STXBP5: variants seen among roughly 807,000 people sequenced by gnomAD.
STXBP5 encodes the protein syntaxin binding protein 5.
In STXBP5, 50 loss-of-function variants were observed where a neutral mutation model predicts 152.4. The ratio of observed to expected loss-of-function variants is 0.33; its 90% CI spans 0.26 to 0.42. The LOEUF is 0.42. STXBP5 is among the 10% of genes least tolerant of loss of function. STXBP5 has a pLI of 1.00. For synonymous variants in STXBP5, 492 were observed against 494.7 expected, an observed-to-expected ratio of 0.99 and a Z score of 0.07; for missense variants, 1,167 against 1,388.6, an observed-to-expected ratio of 0.84 and a Z score of 2.54.
intron 21 of STXBP5, among the ~76,000 whole-genome samples, chr6:147,351,363 AAG>A (rs1370353935): frequency 6.6e-6 from 1 of 152,184 alleles, no homozygotes; most frequent in Non-Finnish European, 1.5e-5. Flanking sequence ...TTTTATCTAA[AAG>A]AGTTACCTTT....
intron 7 of STXBP5, among the ~76,000 whole-genome samples, chr6:147,269,870 G>A (rs886643071): frequency 4.6e-5 from 7 of 152,062 alleles, no homozygotes; most frequent in African/African-American, 1.4e-4. Flanking sequence ...TTGAATCCTC[G>A]GAGGAGAGTG....
chr6:147,221,670 A>G (rs1777468202), intron 2 of STXBP5, among the ~76,000 whole-genome samples: 1 of 151,094 alleles, frequency 6.6e-6, no homozygotes, highest in Admixed American at 6.6e-5. Flanking sequence ...TTTTTTTCCA[A>G]TGGCTTCTTT....
chr6:147,292,182 T>C (rs1781311698), intron 9 of STXBP5: 3 of 432,224 alleles, frequency 6.9e-6, no homozygotes, highest in Non-Finnish European at 1.4e-5. Context: ...ATTCAACTCA[T>C]TTGAGTAAAG....
intron 4 of STXBP5, among the ~76,000 whole-genome samples, chr6:147,258,794 A>T (rs749700539): frequency 2.8e-4 from 42 of 152,038 alleles, no homozygotes; most frequent in Middle Eastern, 3.2e-3. Context: ...ATATATTTTT[A>T]AATGTATTAT....
chr6:147,382,603 A>G (rs1391316292), intron 26 of STXBP5, among the ~76,000 whole-genome samples, 175 bp from the exon 27 acceptor site: 1 of 152,124 alleles, frequency 6.6e-6, no homozygotes, highest in African/African-American at 2.4e-5. Flanking sequence ...AAGTATCTAA[A>G]AATTATTAAA....
chr6:147,360,659 G>A (rs991073541), intron 23 of STXBP5, among the ~76,000 whole-genome samples: 1 of 152,140 alleles, frequency 6.6e-6, no homozygotes, highest in Non-Finnish European at 1.5e-5. Context: ...CTCCAAGTGT[G>A]AAACCTGAGA....
At chr6:147,211,489 A>G (rs1192628731) in intron 2 of STXBP5, among the ~76,000 whole-genome samples, 1 of 152,166 alleles carries the variant, frequency 6.6e-6, no homozygotes, top group African/African-American at 2.4e-5. Context: ...ACTTAATTTT[A>G]TTATATAAAA....
Position 147,369,979 on chromosome 6 carries a change from A to G in STXBP5, c.3082-3752A>G, listed in dbSNP as rs559198433. On this transcript the variant is annotated intron_variant, in intron 25 of 27. Coordinates refer to ENST00000321680, the MANE Select transcript of STXBP5 (RefSeq NM_001127715.4). Reference sequence around the variant, plus strand: ...TGTATTCATAGCCGCTTTATTTGTAATAGCCAAAAACTGGAAACCACCCAG... The same window carrying G: ...TGTATTCATAGCCGCTTTATTTGTAGTAGCCAAAAACTGGAAACCACCCAG... Among the ~76,000 whole-genome samples, 6 of 152,158 alleles carry G rather than the reference A, an allele frequency of 3.9e-5. No homozygotes were observed. The East Asian group carries it at 1.2e-3, about 29-fold the overall frequency.
rs79453884 is a variant in STXBP5 at position 147,225,375 on chromosome 6, G to A, written c.249-9875G>A. On this transcript the variant is annotated intron_variant, in intron 2 of 27. Coordinates refer to ENST00000321680, the MANE Select transcript of STXBP5 (RefSeq NM_001127715.4). ...TAAATGTATTTCCAGAAACCTCACC[G>A]GATATCACAGTTCTCCAGTTGCTTT... Among the ~76,000 whole-genome samples the A allele has an allele frequency of 8.5e-3, 1,298 of 152,056 alleles. 22 individuals are homozygous for A. Among genetic ancestry groups the A allele is most frequent in the African/African-American group, 0.03 (1,235 of 41,452 alleles).
At chr6:147,334,258 G>T (rs765218589) in intron 19 of STXBP5, 36 bp downstream of exon 19, 7 of 1,581,780 alleles carry the variant, frequency 4.4e-6, no homozygotes, top group African/African-American at 2.7e-5. Flanking sequence ...TAATAATTAT[G>T]ATTTACAAAA....
chr6:147,295,540 G>A (rs1393712562), intron 9 of STXBP5, among the ~76,000 whole-genome samples: 5 of 152,160 alleles, frequency 3.3e-5, no homozygotes, highest in Admixed American at 1.3e-4. Context: ...CGCAGAAAGC[G>A]AGTGGCCAAT....
intron 2 of STXBP5, among the ~76,000 whole-genome samples, chr6:147,234,788 A>G (rs1477196677): frequency 6.6e-6 from 1 of 151,994 alleles, no homozygotes; most frequent in Non-Finnish European, 1.5e-5. Context: ...TAAAAATTAC[A>G]CTGCAGAAAT....
At chr6:147,295,212 AGTGGGGCCAGATTTTC>A (rs1326685617) in intron 9 of STXBP5, among the ~76,000 whole-genome samples, 1 of 152,186 alleles carries the variant, frequency 6.6e-6, no homozygotes, top group Non-Finnish European at 1.5e-5. Flanking sequence ...AGAAGGTGTC[AGTGGGGCCAGATTTTC>A]AACAAGAAAC....
intron 2 of STXBP5, among the ~76,000 whole-genome samples, chr6:147,221,712 A>C (rs1777470830): frequency 6.6e-6 from 1 of 150,960 alleles, no homozygotes; most frequent in Non-Finnish European, 1.5e-5. Flanking sequence ...GGATTTCTGC[A>C]ATTTGAATAT....
At chr6:147,324,718 A>G (rs573697295) in intron 16 of STXBP5, among the ~76,000 whole-genome samples, 32 of 147,420 alleles carry the variant, frequency 2.2e-4, no homozygotes, top group Non-Finnish European at 4.2e-4. Flanking sequence ...CTCACCTCTT[A>G]TTTTCTCCTT....
chr6:147,274,672 A>G (rs1780352325), intron 7 of STXBP5, among the ~76,000 whole-genome samples: 1 of 152,084 alleles, frequency 6.6e-6, no homozygotes, highest in African/African-American at 2.4e-5. Context: ...AGTATTTTCA[A>G]TATTTTCATG....
intron 2 of STXBP5, among the ~76,000 whole-genome samples, chr6:147,209,151 A>T (rs1211633552): frequency 1.3e-5 from 2 of 152,142 alleles, no homozygotes; most frequent in Admixed American, 1.3e-4. Context: ...TGAGGTCATT[A>T]TATATATGAA....
intron 21 of STXBP5, among the ~76,000 whole-genome samples, chr6:147,344,400 ATG>A (rs1784225546): frequency 6.6e-6 from 1 of 152,230 alleles, no homozygotes; most frequent in South Asian, 2.1e-4. Flanking sequence ...AAAACTATAA[ATG>A]TGGCAATTTA....
At chr6:147,235,358 A>G (rs751896193) in intron 3 of STXBP5, 27 bp downstream of exon 3, 8 of 1,587,022 alleles carry the variant, frequency 5.0e-6, no homozygotes, top group Non-Finnish European at 6.0e-6. Flanking sequence ...AATCATTTCT[A>G]CTTATATCCA....
Sources: gnomAD v4.1 joint callset for allele counts (sites outside exome capture counted in the v4.1 genomes callset) on GRCh38, gnomAD v4.1.1 for gene constraint, MANE v1.5 for transcripts, NCBI Gene and HGNC (gene_info 2026-07-23, HGNC 2026-07-21) for gene names.